DLGAP1: variants seen among roughly 807,000 people sequenced by gnomAD.
The protein encoded by DLGAP1 is DLG associated protein 1, also known as disks large-associated protein 1.
In DLGAP1, 11 loss-of-function variants were observed where a neutral mutation model predicts 90.8. The observed-to-expected ratio is 0.12, with a 90% CI of 0.08 to 0.20. The LOEUF is 0.20. DLGAP1 is among the 10% of genes least tolerant of loss of function. DLGAP1 has a pLI of 1.00. For synonymous variants in DLGAP1, 558 were observed against 540.7 expected (o/e 1.03, Z -0.44); for missense variants, 1,050 against 1,333.8 (o/e 0.79, Z 3.31).
chr18:4,142,519 A>G (rs2076511839), intron 2 of DLGAP1, among the ~76,000 whole-genome samples: 1 of 152,230 alleles, frequency 6.6e-6, no homozygotes, highest in African/African-American at 2.4e-5. Flanking sequence ...GTATTCCACA[A>G]ATAGATTTTA....
chr18:3,624,845 A>T (rs2058232588), intron 7 of DLGAP1, among the ~76,000 whole-genome samples: 1 of 152,094 alleles, frequency 6.6e-6, no homozygotes, highest in Admixed American at 6.5e-5. Flanking sequence ...GAGCAAACTA[A>T]TCTAAACTCC....
chr18:3,877,098 T>C (rs2071023675), intron 4 of DLGAP1, among the ~76,000 whole-genome samples: 1 of 152,104 alleles, frequency 6.6e-6, no homozygotes, highest in African/African-American at 2.4e-5. Context: ...GTTTCTTCTC[T>C]TATAAAAATA....
intron 1 of DLGAP1, among the ~76,000 whole-genome samples, chr18:4,384,620 G>A (rs751911911): frequency 2.0e-5 from 3 of 151,654 alleles, no homozygotes; most frequent in Non-Finnish European, 2.9e-5. Context: ...ATATTTCCTC[G>A]TACTAATATA....
intron 4 of DLGAP1, among the ~76,000 whole-genome samples, chr18:3,820,716 A>G (rs578093854): frequency 6.6e-6 from 1 of 152,324 alleles, no homozygotes; most frequent in African/African-American, 2.4e-5. Context: ...AAATCTGACA[A>G]TTATGGAATA....
At position 4,366,429 on chromosome 18, in the gene DLGAP1, G is replaced by A. The variant is rs77813595; in HGVS notation, c.-267+88577C>T. 9.9e-4 allele frequency among the ~76,000 whole-genome samples: 151 copies of A among 152,088 alleles called. 6 individuals carry two copies. In the East Asian group the frequency reaches 0.029, roughly 29 times the overall value. On this transcript the variant is annotated intron_variant, in intron 1 of 12. Coordinates refer to ENST00000315677, the MANE Select transcript of DLGAP1 (RefSeq NM_004746.4). ...TGATGGAAAAGATAAGAACTAAAAA[G>A]AGCATGTCATGCACTGTCAATACAA...
chr18:4,296,973 C>T (rs1160691074), intron 1 of DLGAP1, among the ~76,000 whole-genome samples: 3 of 152,228 alleles, frequency 2.0e-5, no homozygotes, highest in South Asian at 2.1e-4. Flanking sequence ...AGTTATTTTT[C>T]GGGTAATGGC....
At chr18:3,856,930 A>G (rs1251046890) in intron 4 of DLGAP1, among the ~76,000 whole-genome samples, 2 of 151,440 alleles carry the variant, frequency 1.3e-5, no homozygotes, top group African/African-American at 4.8e-5. Context: ...ACTTCAGTAT[A>G]TAGTATGAAG....
chr18:4,279,399 T>G (rs1216585566), intron 1 of DLGAP1, among the ~76,000 whole-genome samples: 7 of 152,362 alleles, frequency 4.6e-5, no homozygotes, highest in Admixed American at 2.6e-4. Context: ...AATATGTTTT[T>G]GCAGTGATTT....
chr18:3,555,201 G>A (rs1436074170), intron 9 of DLGAP1, among the ~76,000 whole-genome samples: 1 of 152,114 alleles, frequency 6.6e-6, no homozygotes, highest in Admixed American at 6.5e-5. Flanking sequence ...TTTGACAATG[G>A]ATTTCTTTTG....
chr18:4,442,305 C>A (rs538039677), intron 1 of DLGAP1, among the ~76,000 whole-genome samples: 4 of 152,290 alleles, frequency 2.6e-5, no homozygotes, highest in Non-Finnish European at 5.9e-5. Flanking sequence ...GCCCTGAAAT[C>A]ACTTTCTACA....
intron 1 of DLGAP1, among the ~76,000 whole-genome samples, chr18:4,200,194 T>C (rs1326290150): frequency 6.6e-6 from 1 of 152,098 alleles, no homozygotes; most frequent in East Asian, 1.9e-4. Context: ...TGTAAAGATG[T>C]TTTTGAAATT....
At chr18:3,664,198 ACACACACACACACACACACC>A (rs1263576472) in intron 7 of DLGAP1, among the ~76,000 whole-genome samples, 8 of 136,934 alleles carry the variant, frequency 5.8e-5, no homozygotes, top group East Asian at 2.0e-4. Context: ...ACACACACAC[ACACACACACACACACACACC>A]CACACACACA....
Position 4,253,215 on chromosome 18 carries a change from C to T in DLGAP1, c.-266-101928G>A, listed in dbSNP as rs368212253. Among the ~76,000 whole-genome samples, 8 of 152,288 alleles carry T rather than the reference C, an allele frequency of 5.3e-5. No homozygotes were observed. The East Asian group carries it at 1.5e-3, about 29-fold the overall frequency. ...TACGCAGTAGGATTTTATGGCCAAT[C>T]AACTCCATTCATCCAGCCCTAACTA... On this transcript the variant is annotated intron_variant, in intron 1 of 12. Coordinates refer to ENST00000315677, the MANE Select transcript of DLGAP1 (RefSeq NM_004746.4).
chr18:3,994,427 C>T (rs779714871), intron 3 of DLGAP1, among the ~76,000 whole-genome samples: 166 of 152,304 alleles, frequency 1.1e-3, no homozygotes, highest in Non-Finnish European at 1.6e-3. Flanking sequence ...GCTCCCTGCT[C>T]TATAAACAGA....
At chr18:4,021,613 T>G (rs2074610984) in intron 2 of DLGAP1, among the ~76,000 whole-genome samples, 1 of 152,176 alleles carries the variant, frequency 6.6e-6, no homozygotes, top group African/African-American at 2.4e-5. Context: ...TTTTTTCTTT[T>G]TTTAGACCGA....
chr18:3,550,856 C>A (rs2053360795), intron 9 of DLGAP1, among the ~76,000 whole-genome samples: 1 of 150,066 alleles, frequency 6.7e-6, no homozygotes, highest in South Asian at 2.1e-4. Context: ...ATTCTACTGC[C>A]TCAGTCTTCC....
chr18:3,587,866 G>A (rs150030653), intron 7 of DLGAP1, among the ~76,000 whole-genome samples: 302 of 152,288 alleles, frequency 2.0e-3, no homozygotes, highest in African/African-American at 7.1e-3. Flanking sequence ...GAACCCACAA[G>A]AAGGAATAAA....
intron 2 of DLGAP1, among the ~76,000 whole-genome samples, chr18:4,066,001 G>A (rs2075365382): frequency 6.6e-6 from 1 of 152,114 alleles, no homozygotes; most frequent in Admixed American, 6.6e-5. Context: ...AGAGAAGTCA[G>A]AAATATGACC....
At chr18:4,048,547 T>C (rs981026757) in intron 2 of DLGAP1, among the ~76,000 whole-genome samples, 1 of 152,162 alleles carries the variant, frequency 6.6e-6, no homozygotes, top group Non-Finnish European at 1.5e-5. Flanking sequence ...AAACAAGACT[T>C]AAGGAGGGTT....
Sources: gnomAD v4.1 joint callset for allele counts (sites outside exome capture counted in the v4.1 genomes callset) on GRCh38, gnomAD v4.1.1 for gene constraint, MANE v1.5 for transcripts, NCBI Gene and HGNC (gene_info 2026-07-23, HGNC 2026-07-21) for gene names.